Variants in KIRREL3 observed in about 807,000 individuals in gnomAD.
KIRREL3 encodes kirre like nephrin family adhesion molecule 3, also known as kin of IRRE-like protein 3.
A neutral mutation model predicts 89.7 loss-of-function variants in KIRREL3; 36 were observed. The ratio of observed to expected loss-of-function variants is 0.40; its 90% CI spans 0.31 to 0.53. The LOEUF is 0.53. KIRREL3 is among the 20% of genes least tolerant of loss of function. The probability of loss-of-function intolerance (pLI) is 0.49; values close to 1 mark genes in which losing one functional copy is unlikely to be tolerated. For missense variants in KIRREL3, 864 were observed against 1,056.6 expected, an observed-to-expected ratio of 0.82 and a Z score of 2.53; for synonymous variants, 445 against 441.4, an observed-to-expected ratio of 1.01 and a Z score of -0.10.
chr11:126,688,994 C>G (rs1299249153), intron 1 of KIRREL3, among the ~76,000 whole-genome samples: 2 of 147,318 alleles, frequency 1.4e-5, no homozygotes, highest in South Asian at 4.3e-4. Context: ...GTTTGGCTGA[C>G]CATAGAGCAG....
intron 1 of KIRREL3, among the ~76,000 whole-genome samples, chr11:126,820,577 C>T (rs1293699622): frequency 2.0e-5 from 3 of 152,096 alleles, no homozygotes; most frequent in South Asian, 2.1e-4. Flanking sequence ...AGCAGAAAAA[C>T]TTAAAGCAGC....
Position 126,999,530 on chromosome 11 carries a change from C to A in KIRREL3, c.55+925G>T, listed in dbSNP as rs1173954733. ...CCTCTAAGAGCTGTGTTGGCTGGCA[C>A]AAATGCAGCCTCAGATGGCAGAGGT... is the stretch of plus-strand genomic sequence containing the variant. On this transcript the variant is annotated intron_variant, in intron 1 of 16. Transcript: ENST00000525144. The surrounding 1 kb of genome is among the most constrained non-coding windows in gnomAD (Gnocchi z 5.7). Among the ~76,000 whole-genome samples, 1 of 152,224 alleles carries A rather than the reference C, an allele frequency of 6.6e-6. No homozygotes were observed. Among genetic ancestry groups the A allele is most frequent in the Non-Finnish European group, 1.5e-5 (1 of 68,042 alleles).
At position 126,503,420 on chromosome 11, in the gene KIRREL3, G is replaced by T. The variant is rs566831683; in HGVS notation, c.433+17895C>A. 3.3e-5 allele frequency among the ~76,000 whole-genome samples: 5 copies of T among 152,242 alleles called. No individual in the cohort carries two copies. In the East Asian group the frequency reaches 9.7e-4, roughly 29 times the overall value. On this transcript the variant is annotated intron_variant, in intron 4 of 16. Coordinates refer to ENST00000525144, the MANE Select transcript of KIRREL3 (RefSeq NM_032531.4). ...AGGGGATCCAGGCAGGGACGAATGGGTTTCATTTGTTGAGGGGGAGGGGTT... is the reference window on the plus strand; with the variant it reads ...AGGGGATCCAGGCAGGGACGAATGGTTTTCATTTGTTGAGGGGGAGGGGTT...
chr11:126,481,138 AATAC>A (rs1253367482), intron 4 of KIRREL3, among the ~76,000 whole-genome samples: 3 of 152,308 alleles, frequency 2.0e-5, no homozygotes, highest in African/African-American at 4.8e-5. Flanking sequence ...TGAATACACA[AATAC>A]ATACATAATA....
rs1329803019 is a variant in KIRREL3 at position 126,476,903 on chromosome 11, CT to C, written c.434-3438del. ...CAGGATTGGTTATTATCCTCAACCACTATAGAGTTTGGGCTTCTAATTTTTA... is the reference window on the plus strand; with the variant it reads ...CAGGATTGGTTATTATCCTCAACCACATAGAGTTTGGGCTTCTAATTTTTA... On this transcript the variant is annotated intron_variant, in intron 4 of 16. Coordinates refer to ENST00000525144, the MANE Select transcript of KIRREL3 (RefSeq NM_032531.4). The surrounding 1 kb of genome is among the most constrained non-coding windows in gnomAD (Gnocchi z 6.4). 6.6e-6 allele frequency among the ~76,000 whole-genome samples: 1 copy of C among 152,266 alleles called. No individual in the cohort carries two copies. The highest frequency in any genetic ancestry group is 1.5e-5 in the Non-Finnish European group (1 of 68,048).
At position 126,931,527 on chromosome 11, in the gene KIRREL3, C is replaced by T. The variant is rs1362776423; in HGVS notation, c.55+68928G>A. 6.6e-6 allele frequency among the ~76,000 whole-genome samples: 1 copy of T among 152,200 alleles called. No individual in the cohort carries two copies. Among genetic ancestry groups the T allele is most frequent in the Non-Finnish European group, 1.5e-5 (1 of 68,046 alleles). On this transcript the variant is annotated intron_variant, in intron 1 of 16. Transcript: ENST00000525144. This position sits in a 1 kb window ranked among gnomAD's most constrained non-coding sequence, Gnocchi z 5.1. ...ACTTTGAGACAATCTTAAATACGTT[C>T]TTCTGAAGGCTCCCTTAAGTAAGCC...
At chr11:126,665,333 A>C (rs990194576) in intron 1 of KIRREL3, among the ~76,000 whole-genome samples, 2 of 152,206 alleles carry the variant, frequency 1.3e-5, no homozygotes, top group Non-Finnish European at 2.9e-5. Flanking sequence ...AGAATATTTA[A>C]AATAAGATTG....
rs1591582793 is a variant in KIRREL3, at chr11:126,463,898, A to G, written c.592-591T>C. On this transcript the variant is annotated intron_variant, in intron 5 of 16. Coordinates refer to ENST00000525144, the MANE Select transcript of KIRREL3 (RefSeq NM_032531.4). The surrounding 1 kb of genome is among the most constrained non-coding windows in gnomAD (Gnocchi z 5.9). ...ACTCCCTGATCTCATTAGAGTCTCA[A>G]TCAAACCATAGGTGGGACAGATACC... 1.3e-5 allele frequency among the ~76,000 whole-genome samples: 2 copies of G among 152,220 alleles called. No individual in the cohort carries two copies. Among genetic ancestry groups the G allele is most frequent in the Non-Finnish European group, 2.9e-5 (2 of 68,042 alleles).
At chr11:126,646,121 C>T (rs918905302) in intron 1 of KIRREL3, among the ~76,000 whole-genome samples, 11 of 152,128 alleles carry the variant, frequency 7.2e-5, no homozygotes, top group African/African-American at 2.4e-4. Context: ...CACCCCACCC[C>T]CCAAACAGGT....
At chr11:126,743,640 T>C (rs1477671159) in intron 1 of KIRREL3, among the ~76,000 whole-genome samples, 1 of 152,264 alleles carries the variant, frequency 6.6e-6, no homozygotes, top group South Asian at 2.1e-4. Context: ...TTTGAATCTT[T>C]ACTTTTCTAC....
chr11:126,509,529 T>A (rs1377528990), intron 4 of KIRREL3, among the ~76,000 whole-genome samples: 1 of 152,258 alleles, frequency 6.6e-6, no homozygotes, highest in African/African-American at 2.4e-5. Context: ...TTTTCCTTTT[T>A]TTCCCCAGCC....
At chr11:126,589,315 C>T (rs988248732) in intron 1 of KIRREL3, among the ~76,000 whole-genome samples, 25 of 152,210 alleles carry the variant, frequency 1.6e-4, no homozygotes, top group East Asian at 7.7e-4. Context: ...CTACAACCTG[C>T]GTGGGGTGTG....
chr11:126,559,821 C>T (rs1347481933), intron 2 of KIRREL3, among the ~76,000 whole-genome samples: 1 of 151,898 alleles, frequency 6.6e-6, no homozygotes, highest in Non-Finnish European at 1.5e-5. Context: ...AGGTGCGCAC[C>T]ACCAACCCTG....
chr11:126,755,275 C>T lies in KIRREL3; in HGVS notation c.56-192363G>A, dbSNP rs1385265977. Among the ~76,000 whole-genome samples the T allele has an allele frequency of 6.6e-6, 1 of 152,186 alleles. No homozygotes were observed. The highest frequency in any genetic ancestry group is 1.5e-5 in the Non-Finnish European group (1 of 68,030). ...TCCTGTAGCCACAAACATAGCCCTG[C>T]AGACAGTTCCCTCTTGATCCCTTGC... On this transcript the variant is annotated intron_variant, in intron 1 of 16. Coordinates refer to ENST00000525144, the MANE Select transcript of KIRREL3 (RefSeq NM_032531.4). The surrounding 1 kb of genome is among the most constrained non-coding windows in gnomAD (Gnocchi z 4.3).
intron 1 of KIRREL3, among the ~76,000 whole-genome samples, chr11:126,580,143 C>T (rs1941469235): frequency 6.6e-6 from 1 of 152,218 alleles, no homozygotes; most frequent in Non-Finnish European, 1.5e-5. Context: ...CCACACCTGG[C>T]CCCCAGTCAT....
intron 1 of KIRREL3, among the ~76,000 whole-genome samples, chr11:126,700,193 CAAAA>C (rs10572797): frequency 1.4e-5 from 2 of 144,036 alleles, no homozygotes; most frequent in Middle Eastern, 3.5e-3. Flanking sequence ...GACTTTGTCA[CAAAA>C]AAAAAAAAAA....
rs1950773757 is a variant in KIRREL3, at chr11:126,795,339, G to A, written c.55+205116C>T. Among the ~76,000 whole-genome samples the A allele has an allele frequency of 6.6e-6, 1 of 152,158 alleles. No homozygotes were observed. The highest frequency in any genetic ancestry group is 1.9e-4 in the East Asian group (1 of 5,194). ...GGGGGAAACTCAGGGCAGAGGTTGG[G>A]AGGGAGAGGACGTACATATAAATTT... On this transcript the variant is annotated intron_variant, in intron 1 of 16. Transcript: ENST00000525144. This position sits in a 1 kb window ranked among gnomAD's most constrained non-coding sequence, Gnocchi z 4.1.
intron 1 of KIRREL3, among the ~76,000 whole-genome samples, chr11:126,866,829 C>T (rs987216431): frequency 1.3e-5 from 2 of 152,154 alleles, no homozygotes; most frequent in African/African-American, 4.8e-5. Flanking sequence ...GGCCTGACTC[C>T]AGGGAAGACC....
In KIRREL3 at chr11:126,643,843, G is replaced by A. The variant is rs1565615033; in HGVS notation, c.56-80931C>T. Among the ~76,000 whole-genome samples, 1 of 151,978 alleles carries A rather than the reference G, an allele frequency of 6.6e-6. No homozygotes were observed. Among genetic ancestry groups the A allele is most frequent in the Non-Finnish European group, 1.5e-5 (1 of 68,000 alleles). ...CAAAAAGATGAAGAGAATGAGGGGA[G>A]GAAGAGCAAAGCTGACCCTGAGCAT... On this transcript the variant is annotated intron_variant, in intron 1 of 16. Coordinates refer to ENST00000525144, the MANE Select transcript of KIRREL3 (RefSeq NM_032531.4). This position sits in a 1 kb window ranked among gnomAD's most constrained non-coding sequence, Gnocchi z 4.5.
Sources: gnomAD v4.1 joint callset for allele counts (sites outside exome capture counted in the v4.1 genomes callset) on GRCh38, gnomAD v4.1.1 for gene constraint, Gnocchi (gnomAD v3.1) non-coding constraint, MANE v1.5 for transcripts, NCBI Gene and HGNC (gene_info 2026-07-23, HGNC 2026-07-21) for gene names.